The following ECD variants were observed in gnomAD, a reference collection of about 807,000 sequenced individuals.
ECD encodes protein ecdysoneless homolog.
A neutral mutation model predicts 77.2 loss-of-function variants in ECD; 59 were observed. That is an observed-to-expected ratio of 0.76 (90% CI 0.62 to 0.95). The LOEUF is 0.95. ECD is among the 40% of genes least tolerant of loss of function. The probability of loss-of-function intolerance (pLI) is 0.00; values close to 1 mark genes in which losing one functional copy is unlikely to be tolerated. For synonymous variants in ECD, 233 were observed against 267.4 expected, an observed-to-expected ratio of 0.87 and a Z score of 1.26; for missense variants, 704 against 763.4, an observed-to-expected ratio of 0.92 and a Z score of 0.92.
chr10:73,156,769 A>T, intron 3 of ECD, 114 bp from the exon 4 acceptor site: 2 of 1,008,324 alleles, frequency 2.0e-6, no homozygotes, highest in Non-Finnish European at 1.5e-6. Context: ...TTGAGTATGT[A>T]CTATGTGCAG....
At chr10:73,155,401 G>GC (rs1230198264) in intron 5 of ECD, among the ~76,000 whole-genome samples, 1 of 151,820 alleles carries the variant, frequency 6.6e-6, no homozygotes, top group Non-Finnish European at 1.5e-5. Flanking sequence ...CCTGAATGGT[G>GC]CTTAATATTT....
intron 6 of ECD, 130 bp downstream of exon 6, chr10:73,154,126 T>G (rs1843260829): frequency 1.0e-6 from 1 of 979,662 alleles, no homozygotes; most frequent in Non-Finnish European, 1.4e-6. Context: ...AATATTTCCT[T>G]TTTTTTCTAG....
At chr10:73,139,250 C>G (rs1589679391) in intron 11 of ECD, 59 bp downstream of exon 11, 2 of 1,425,160 alleles carry the variant, frequency 1.4e-6, no homozygotes, top group East Asian at 4.7e-5. Flanking sequence ...ATGGCAATGA[C>G]TATGACTTCA....
At position 73,167,851 on chromosome 10, in the gene ECD, G is replaced by C; in HGVS notation, c.-14+15C>G. On this transcript the variant is annotated intron_variant, in intron 1 of 13. Coordinates refer to ENST00000372979, the MANE Select transcript of ECD (RefSeq NM_007265.3). ...CCCTCCTGCCATCTAACAAAATGAA[G>C]CCAATTTCTCTTACGGTTCTAGGGC... The C allele has an allele frequency of 6.1e-6, 1 of 162,716 alleles. No homozygotes were observed. The highest frequency in any genetic ancestry group is 1.3e-5 in the Non-Finnish European group (1 of 75,024). The allele number at this position is 162,716 out of a possible 1,614,324, so 10.1% of individuals were successfully genotyped here. A position where few individuals can be genotyped will look rare whatever the true frequency, so the allele number is the denominator to read the frequency against.
At chr10:73,137,517 T>C (rs1332753220) in intron 12 of ECD, among the ~76,000 whole-genome samples, 5 of 152,196 alleles carry the variant, frequency 3.3e-5, no homozygotes. Context: ...GGCTCACGCC[T>C]GTAATCCCAG....
chr10:73,160,539 G>A lies in ECD; in HGVS notation c.218C>T (p.Ala73Val). 6.2e-7 allele frequency: 1 copy of A among 1,604,124 alleles called. No homozygotes were observed. The highest frequency in any genetic ancestry group is 2.2e-5 in the East Asian group (1 of 44,720). ...AAACTTTGTCACGCCAAACATATGAGCAGGAACACCTCCTAAAAACAAGAG... is the reference window on the plus strand; with the variant it reads ...AAACTTTGTCACGCCAAACATATGAACAGGAACACCTCCTAAAAACAAGAG... ...KYKPGKGGVP[A>V]HMFGVTKFGD... The change falls in exon 3 of 14, where the codon GCT (alanine) becomes GTT (valine). Residue 73 changes from alanine (A) to valine (V), a missense_variant. This residue lies in a region of ECD where 559 missense variants were observed against 583.7 expected (regional missense o/e 0.96). Coordinates refer to ENST00000372979, the MANE Select transcript of ECD (RefSeq NM_007265.3).
At position 73,134,564 on chromosome 10, in the gene ECD, G is replaced by C. The variant is rs745454258; in HGVS notation, c.*19C>G. 2.5e-6 allele frequency: 4 copies of C among 1,591,438 alleles called. No individual in the cohort carries two copies. In the South Asian group the frequency reaches 4.5e-5, roughly 18 times the overall value. On this transcript the variant is annotated 3_prime_UTR_variant, in exon 14 of 14. Transcript: ENST00000372979. ...TCAATATTTATTTAAAAAGAAAAAAGAGAAGCTAAATGTGCTGGTTAATTT... is the reference window on the plus strand; with the variant it reads ...TCAATATTTATTTAAAAAGAAAAAACAGAAGCTAAATGTGCTGGTTAATTT...
chr10:73,134,172 T>C lies in ECD; in HGVS notation c.*411A>G. On this transcript the variant is annotated 3_prime_UTR_variant, in exon 14 of 14. Transcript: ENST00000372979. The stretch of plus-strand genomic sequence containing the variant: ...ATTTGTGCACTTAACCATATGCATG[T>C]TATGCCTCATTAAAAAAATTGAAAA... 1 of 173,232 alleles carries C rather than the reference T, an allele frequency of 5.8e-6. No individual in the cohort carries two copies. Among genetic ancestry groups the C allele is most frequent in the Non-Finnish European group, 1.3e-5 (1 of 79,192 alleles). 10.7% of individuals were successfully genotyped at this position (173,232 alleles called of 1,614,324 possible).
chr10:73,143,026 C>T (rs1336643785), intron 9 of ECD, among the ~76,000 whole-genome samples: 1 of 152,260 alleles, frequency 6.6e-6, no homozygotes, highest in Non-Finnish European at 1.5e-5. Flanking sequence ...CGGTCTTTCT[C>T]CTACATTAGC....
At chr10:73,143,458 G>A (rs376979113) in intron 9 of ECD, among the ~76,000 whole-genome samples, 26 of 152,122 alleles carry the variant, frequency 1.7e-4, no homozygotes, top group Admixed American at 7.2e-4. Context: ...GAGCCACTGC[G>A]CCCAGCCTGT....
intron 10 of ECD, 63 bp from the exon 11 acceptor site, chr10:73,139,558 T>A (rs1408159544): frequency 6.3e-7 from 1 of 1,592,872 alleles, no homozygotes; most frequent in Non-Finnish European, 8.5e-7. Context: ...TAGGAGAGGA[T>A]CCTGTGAGAC....
chr10:73,162,245 T>C (rs183606088), intron 2 of ECD, among the ~76,000 whole-genome samples: 44 of 152,288 alleles, frequency 2.9e-4, no homozygotes, highest in Middle Eastern at 3.4e-3. Flanking sequence ...GTTTTCCAGA[T>C]GTAGAGATAA....
chr10:73,137,146 A>T (rs1197967598), intron 12 of ECD, among the ~76,000 whole-genome samples: 2 of 145,046 alleles, frequency 1.4e-5, no homozygotes, highest in African/African-American at 5.5e-5. Context: ...GAATCAAAAG[A>T]TTTAGCTTAA....
In ECD at chr10:73,136,954, AATTATT is replaced by A. The variant is rs139531713; in HGVS notation, c.1490-42_1490-37del. The A allele has an allele frequency of 3.0e-5, 30 of 992,506 alleles. No individual in the cohort carries two copies. In the East Asian group the frequency reaches 7.8e-4, roughly 26 times the overall value. 61.5% of individuals were successfully genotyped at this position (992,506 alleles called of 1,614,324 possible). A position where few individuals can be genotyped will look rare whatever the true frequency, so the allele number is the denominator to read the frequency against. Reference sequence around the variant, plus strand: ...CCCAAGAAAGAAAGAGCCACTTAGTAATTATTATTATTATTATTATTATTATTATTA... The same window carrying A: ...CCCAAGAAAGAAAGAGCCACTTAGTAATTATTATTATTATTATTATTATTA... On this transcript the variant is annotated intron_variant, in intron 12 of 13. Transcript: ENST00000372979.
At chr10:73,140,867 C>G (rs1012457485) in intron 9 of ECD, among the ~76,000 whole-genome samples, 1 of 150,716 alleles carries the variant, frequency 6.6e-6, no homozygotes, top group Non-Finnish European at 1.5e-5. Context: ...TATGTACATA[C>G]AGTTGTATTA....
chr10:73,163,087 G>A (rs1220640303), intron 2 of ECD, among the ~76,000 whole-genome samples: 1 of 152,110 alleles, frequency 6.6e-6, no homozygotes, highest in African/African-American at 2.4e-5. Flanking sequence ...TCATCTACTT[G>A]CCAAGATAGA....
Position 73,138,021 on chromosome 10 carries a change from A to G in ECD, c.1471T>C (p.Tyr491His). The change falls in exon 12 of 14, where the codon TAT becomes CAT. Residue 491 changes from tyrosine (Y) to histidine (H), a missense_variant. Transcript: ENST00000372979. ...ITFDADSFLN[Y>H]FDKILGPRPN... ...TACTTACCTAAAATCTTATCAAAAT[A>G]ATTAAGAAAAGAATCTGCATCAAAA... 2 of 1,597,320 alleles carry G rather than the reference A, an allele frequency of 1.3e-6. No individual in the cohort carries two copies. The highest frequency in any genetic ancestry group is 1.7e-6 in the Non-Finnish European group (2 of 1,174,614).
intron 7 of ECD, among the ~76,000 whole-genome samples, chr10:73,151,937 A>G (rs1208626912): frequency 6.6e-6 from 1 of 152,154 alleles, no homozygotes; most frequent in East Asian, 1.9e-4. Context: ...TCTTCCCTTT[A>G]TAGCTTCTGG....
intron 9 of ECD, among the ~76,000 whole-genome samples, chr10:73,143,038 T>G (rs867718837): frequency 2.8e-4 from 43 of 152,324 alleles, no homozygotes; most frequent in African/African-American, 8.2e-4. Context: ...TACATTAGCA[T>G]GTAAGCTCTA....
Sources: gnomAD v4.1 joint callset for allele counts (sites outside exome capture counted in the v4.1 genomes callset) on GRCh38, gnomAD v4.1.1 for gene constraint, gnomAD v4.1.1 regional missense constraint, MANE v1.5 for transcripts, NCBI Gene and HGNC (gene_info 2026-07-23, HGNC 2026-07-21) for gene names.